RPGRIP1: variants seen among roughly 807,000 people sequenced by gnomAD.
RPGRIP1 encodes RPGR interacting protein 1, also known as X-linked retinitis pigmentosa GTPase regulator-interacting protein 1.
Under a neutral mutation model 157.9 loss-of-function variants are expected in RPGRIP1, and 128 were observed. The ratio of observed to expected loss-of-function variants is 0.81; its 90% CI spans 0.70 to 0.94. The LOEUF (loss-of-function observed/expected upper bound fraction) is 0.94, where lower values mean the gene tolerates loss of function less well. Ranked by LOEUF, RPGRIP1 falls within the 40% of genes least tolerant of loss-of-function variation. RPGRIP1 has a pLI of 0.00. For missense variants in RPGRIP1, 1,486 were observed against 1,545.8 expected (o/e 0.96, Z 0.65); for synonymous variants, 554 against 571.6 (o/e 0.97, Z 0.44).
rs1305131769 is a variant in RPGRIP1 at position 21,297,836 on chromosome 14, TC to T, written c.218+3028del. Among the ~76,000 whole-genome samples the T allele has an allele frequency of 1.7e-3, 248 of 143,538 alleles. 1 individual carries two copies. The highest frequency in any genetic ancestry group is 5.7e-3 in the African/African-American group (216 of 38,072). 94.2% of individuals were successfully genotyped at this position (143,538 alleles called of 152,430 possible). On this transcript the variant is annotated intron_variant, in intron 3 of 24. Coordinates refer to ENST00000400017, the MANE Select transcript of RPGRIP1 (RefSeq NM_020366.4). ...ATGTTTCGGTATCTCAATAAATTAT[TC>T]TTTCTTTCTTTCTTTCTTTCTTTCT... is the stretch of plus-strand genomic sequence containing the variant.
chr14:21,322,149 G>A (rs1176340686), intron 14 of RPGRIP1, 145 bp downstream of exon 14: 2 of 667,580 alleles, frequency 3.0e-6, no homozygotes, highest in Non-Finnish European at 4.5e-6. Flanking sequence ...TATCATTTTT[G>A]TTGTTTTTTT....
chr14:21,311,785 G>C lies in RPGRIP1; in HGVS notation c.931-39G>C, dbSNP rs765303933. The C allele has an allele frequency of 1.9e-6, 3 of 1,568,584 alleles. No individual in the cohort carries two copies. In the Admixed American group the frequency reaches 6.0e-5, roughly 32 times the overall value. On this transcript the variant is annotated intron_variant, in intron 8 of 24. Coordinates refer to ENST00000400017, the MANE Select transcript of RPGRIP1 (RefSeq NM_020366.4). ...TGTCTGGAGACCACTCGTGCTGAGT[G>C]ATATGACCATTCCCAGAGGTACTTT...
intron 3 of RPGRIP1, among the ~76,000 whole-genome samples, chr14:21,299,019 A>ATT (rs35963433): frequency 9.9e-5 from 14 of 140,710 alleles, no homozygotes; most frequent in South Asian, 4.5e-4. Flanking sequence ...AGAGTTGGTG[A>ATT]TTTTTTTTTT....
intron 2 of RPGRIP1, among the ~76,000 whole-genome samples, chr14:21,294,052 CAAA>C (rs370207654): frequency 3.2e-5 from 3 of 94,920 alleles, no homozygotes; most frequent in Non-Finnish European, 3.9e-5. Context: ...GACCCTGTCT[CAAA>C]AAAAAAAAAA....
At chr14:21,304,424 A>AAAGAAAGAAAGAAAGAAAGAAAGG (rs1566673316) in intron 6 of RPGRIP1, among the ~76,000 whole-genome samples, 6 of 151,396 alleles carry the variant, frequency 4.0e-5, no homozygotes, top group South Asian at 4.2e-4. Flanking sequence ...AGAAAGAAAG[A>AAAGAAAGAAAGAAAGAAAGAAAGG]AAGAAAGAAA....
At chr14:21,321,786 C>T in intron 13 of RPGRIP1, 68 bp from the exon 14 acceptor site, 1 of 1,499,272 alleles carries the variant, frequency 6.7e-7, no homozygotes, top group South Asian at 1.3e-5. Flanking sequence ...CTAGCCAGTG[C>T]CACATTTTTT....
Position 21,307,792 on chromosome 14 carries a change from G to A in RPGRIP1, c.862G>A (p.Ala288Thr). 6.4e-7 allele frequency: 1 copy of A among 1,569,164 alleles called. No homozygotes were observed. Among genetic ancestry groups the A allele is most frequent in the Non-Finnish European group, 8.6e-7 (1 of 1,157,018 alleles). Reference protein sequence around the residue: ...RLKKLLHERNASLVMTKAQLT... With the variant: ...RLKKLLHERNTSLVMTKAQLT... ...TAAGAAGCTCTTACATGAAAGAAAT[G>A]CTTCATTGGTTATGACAAAAGCACA... The change falls in exon 7 of 25, where the codon GCT becomes ACT. Residue 288 changes from alanine to threonine, a missense_variant. Coordinates refer to ENST00000400017, the MANE Select transcript of RPGRIP1 (RefSeq NM_020366.4).
In RPGRIP1 at chr14:21,301,256, TC is replaced by T; in HGVS notation, c.490+23del. Reference sequence around the variant, plus strand: ...AAGAGGGGTGAGATTTAAGGCTACATCCCCTACAGGGCTAAGACACTGGGAA... The same window carrying T: ...AAGAGGGGTGAGATTTAAGGCTACATCCCTACAGGGCTAAGACACTGGGAA... On this transcript the variant is annotated intron_variant, in intron 4 of 24. Transcript: ENST00000400017. 6.4e-7 allele frequency: 1 copy of T among 1,570,320 alleles called. No homozygotes were observed. Among genetic ancestry groups the T allele is most frequent in the South Asian group, 1.2e-5 (1 of 85,336 alleles).
At chr14:21,283,341 C>T (rs186703670) in intron 1 of RPGRIP1, among the ~76,000 whole-genome samples, 26 of 152,220 alleles carry the variant, frequency 1.7e-4, no homozygotes, top group Admixed American at 1.6e-3. Flanking sequence ...CTCACACTGT[C>T]GCCCAGGCTG....
chr14:21,331,644 A>C (rs942142882), intron 20 of RPGRIP1, among the ~76,000 whole-genome samples: 1 of 152,178 alleles, frequency 6.6e-6, no homozygotes, highest in African/African-American at 2.4e-5. Flanking sequence ...AGTGGTCAGA[A>C]TAGTGGTTAC....
chr14:21,346,531 G>A (rs1374775099), intron 23 of RPGRIP1, among the ~76,000 whole-genome samples: 1 of 152,096 alleles, frequency 6.6e-6, no homozygotes, highest in East Asian at 1.9e-4. Flanking sequence ...CAACCTGGGT[G>A]ACAAAGCAGA....
chr14:21,349,196 G>A (rs1885895806), intron 24 of RPGRIP1, among the ~76,000 whole-genome samples: 1 of 147,002 alleles, frequency 6.8e-6, no homozygotes, highest in Non-Finnish European at 1.5e-5. Flanking sequence ...TCAACCTCCT[G>A]GGTAGCTGGG....
chr14:21,342,252 A>G (rs1041698580), intron 21 of RPGRIP1, among the ~76,000 whole-genome samples: 2 of 151,988 alleles, frequency 1.3e-5, no homozygotes, highest in Non-Finnish European at 2.9e-5. Flanking sequence ...TTTCATGAAG[A>G]ACACTGTGGC....
chr14:21,290,785 C>A (rs539217796), intron 2 of RPGRIP1, among the ~76,000 whole-genome samples: 3 of 149,852 alleles, frequency 2.0e-5, no homozygotes, highest in Non-Finnish European at 4.4e-5. Flanking sequence ...CGCCACTGCA[C>A]TCAAGCCTGG....
chr14:21,333,734 C>T (rs1884026351), intron 20 of RPGRIP1, among the ~76,000 whole-genome samples: 1 of 152,074 alleles, frequency 6.6e-6, no homozygotes, highest in Admixed American at 6.6e-5. Flanking sequence ...AAGTCCATGG[C>T]ATTTTTGTGT....
At chr14:21,345,301 T>G in intron 23 of RPGRIP1, 104 bp downstream of exon 23, 1 of 738,336 alleles carries the variant, frequency 1.4e-6, no homozygotes, top group Non-Finnish European at 2.3e-6. Context: ...ATAACTTTTT[T>G]GAGTTAATTT....
intron 1 of RPGRIP1, among the ~76,000 whole-genome samples, chr14:21,281,874 C>T (rs182485804): frequency 7.0e-4 from 106 of 151,844 alleles, no homozygotes; most frequent in African/African-American, 2.5e-3. Context: ...GCTGGCGGAT[C>T]CCAAGGTCCG....
intron 20 of RPGRIP1, among the ~76,000 whole-genome samples, chr14:21,331,200 C>T (rs541044251): frequency 3.3e-5 from 5 of 151,712 alleles, no homozygotes; most frequent in Non-Finnish European, 5.9e-5. Flanking sequence ...TGAGCCACTG[C>T]ACCCGACCTA....
intron 2 of RPGRIP1, among the ~76,000 whole-genome samples, chr14:21,291,292 G>A (rs999279949): frequency 6.6e-6 from 1 of 152,132 alleles, no homozygotes; most frequent in Non-Finnish European, 1.5e-5. Flanking sequence ...CAAAGTCCAT[G>A]AAACATGAAC....
Sources: gnomAD v4.1 joint callset for allele counts (sites outside exome capture counted in the v4.1 genomes callset) on GRCh38, gnomAD v4.1.1 for gene constraint, MANE v1.5 for transcripts, NCBI Gene and HGNC (gene_info 2026-07-23, HGNC 2026-07-21) for gene names.